Variants in ABCA1 observed in about 807,000 individuals in gnomAD.
ABCA1 encodes ATP binding cassette subfamily A member 1, also known as phospholipid-transporting ATPase ABCA1.
A neutral mutation model predicts 262.5 loss-of-function variants in ABCA1; 133 were observed. That is an observed-to-expected ratio of 0.51 (90% CI 0.44 to 0.59). The LOEUF (loss-of-function observed/expected upper bound fraction) is 0.59, where lower values mean the gene tolerates loss of function less well. Among genes scored for constraint, ABCA1 ranks in the 20% least tolerant of loss-of-function variants. The pLI is 0.00. For synonymous variants in ABCA1, 1,022 were observed against 1,043.5 expected (o/e 0.98, Z 0.40); for missense variants, 2,452 against 2,777.5 (o/e 0.88, Z 2.63).
intron 7 of ABCA1, among the ~76,000 whole-genome samples, chr9:104,857,365 TG>T (rs1220376504): frequency 2.9e-4 from 44 of 152,144 alleles, no homozygotes; most frequent in African/African-American, 9.9e-4. Flanking sequence ...CCCGAGTAGC[TG>T]GAATTACAGG....
intron 1 of ABCA1, among the ~76,000 whole-genome samples, chr9:104,927,297 G>A (rs1167648292): frequency 6.6e-6 from 1 of 152,040 alleles, no homozygotes. Flanking sequence ...GGAGACTGTA[G>A]GCAGGACCTC....
chr9:104,861,508 G>T, intron 6 of ABCA1, 171 bp downstream of exon 6: 1 of 908,350 alleles, frequency 1.1e-6, no homozygotes, highest in Non-Finnish European at 1.7e-6. Context: ...CTCCTGGATG[G>T]TTTGGCAATT....
intron 25 of ABCA1, among the ~76,000 whole-genome samples, chr9:104,815,776 T>G (rs1831696483): frequency 6.6e-6 from 1 of 152,196 alleles, no homozygotes; most frequent in Non-Finnish European, 1.5e-5. Flanking sequence ...CCCAAGTTGC[T>G]GAATTTCTAA....
At chr9:104,925,810 T>C (rs1826275710) in intron 1 of ABCA1, among the ~76,000 whole-genome samples, 1 of 152,216 alleles carries the variant, frequency 6.6e-6, no homozygotes, top group African/African-American at 2.4e-5. Flanking sequence ...CATGCTTCCA[T>C]ACTTTCTCTG....
intron 5 of ABCA1, among the ~76,000 whole-genome samples, chr9:104,863,645 T>C (rs1189102010): frequency 2.0e-5 from 3 of 152,124 alleles, no homozygotes; most frequent in Non-Finnish European, 2.9e-5. Flanking sequence ...TAATATTGAG[T>C]TATATAGACA....
intron 5 of ABCA1, among the ~76,000 whole-genome samples, chr9:104,868,879 C>T (rs533292742): frequency 2.1e-4 from 32 of 152,142 alleles, no homozygotes; most frequent in African/African-American, 6.5e-4. Flanking sequence ...CACATTTGCA[C>T]GTGCAGGCGG....
rs1833887378 is a variant in ABCA1, at chr9:104,837,114, G to T, written c.1195-18C>A. 1 of 1,579,918 alleles carries T rather than the reference G, an allele frequency of 6.3e-7. No individual in the cohort carries two copies. Among genetic ancestry groups the T allele is most frequent in the South Asian group, 1.1e-5 (1 of 90,290 alleles). On this transcript the variant is annotated intron_variant, in intron 10 of 49. Coordinates refer to ENST00000374736, the MANE Select transcript of ABCA1 (RefSeq NM_005502.4). ...TTGTTCACCTGGAGTCAGGTGGGGA[G>T]CCAGGGACCGCAGAAAAAGGAGGAG...
rs771570521 is a variant in ABCA1, at chr9:104,798,481, C to T, written c.5061G>A (p.Leu1687=). 1 of 1,614,168 alleles carries T rather than the reference C, an allele frequency of 6.2e-7. No homozygotes were observed. Among genetic ancestry groups the T allele is most frequent in the Admixed American group, 1.7e-5 (1 of 60,028 alleles). Reference sequence around the variant, plus strand: ...CAGGCTTCACTCCACTGATGAACTGCAGGTGTTTTGCTTTGCTGACCCGCT... The same window carrying T: ...CAGGCTTCACTCCACTGATGAACTGTAGGTGTTTTGCTTTGCTGACCCGCT... ...IQERVSKAKH[L]QFISGVKPVI... is the part of the protein sequence containing the mutation. The change falls in exon 37 of 50, where the codon CTG becomes CTA. Residue 1687 remains leucine, a synonymous_variant. Transcript: ENST00000374736.
At chr9:104,855,977 G>A in intron 7 of ABCA1, 1 of 1,612,868 alleles carries the variant, frequency 6.2e-7, no homozygotes, top group Admixed American at 1.7e-5. Context: ...CATATTGAAA[G>A]AAGAGTTTCT....
At position 104,822,581 on chromosome 9, in the gene ABCA1, C is replaced by T; in HGVS notation, c.2743G>A (p.Ala915Thr). The part of the protein sequence containing the change: ...VKVYRDGMKV[A>T]VDGLALNFYE... Reference sequence around the variant, plus strand: ...AAATTCAGTGCCAGGCCATCGACAGCCACCTTCATCCCATCTCGGTAGACT... The same window carrying T: ...AAATTCAGTGCCAGGCCATCGACAGTCACCTTCATCCCATCTCGGTAGACT... Residue 915 changes from alanine (A) to threonine (T), a missense_variant, in exon 19 of 50, where the codon GCT becomes ACT. Physicochemically the swap from Ala to Thr is moderately conservative, Grantham distance 58 (BLOSUM62 0). Coordinates refer to ENST00000374736, the MANE Select transcript of ABCA1 (RefSeq NM_005502.4). 6.2e-7 allele frequency: 1 copy of T among 1,614,092 alleles called. No homozygotes were observed.
Position 104,829,063 on chromosome 9 carries a change from G to C in ABCA1, c.1968C>G (p.Ile656Met), listed in dbSNP as rs751098544. ...LAWIYSVAVI[I>M]KGIVYEKEAR... ...CCTCCTTCTCATACACGATGCCCTT[G>C]ATGATCACAGCCACTGAGTAAATCC... The change falls in exon 15 of 50, where the codon ATC becomes ATG. Residue 656 changes from isoleucine to methionine, a missense_variant. Coordinates refer to ENST00000374736, the MANE Select transcript of ABCA1 (RefSeq NM_005502.4). 3 of 1,614,096 alleles carry C rather than the reference G, an allele frequency of 1.9e-6. No individual in the cohort carries two copies. The highest frequency in any genetic ancestry group is 2.7e-5 in the African/African-American group (2 of 74,930).
At chr9:104,797,183 G>A (rs1172238558) in intron 37 of ABCA1, among the ~76,000 whole-genome samples, 1 of 152,162 alleles carries the variant, frequency 6.6e-6, no homozygotes, top group Admixed American at 6.5e-5. Flanking sequence ...ATGGGTTCAG[G>A]GACTTGACCT....
At chr9:104,792,758 T>A (rs1047023040) in intron 42 of ABCA1, 28 bp downstream of exon 42, 7 of 1,611,686 alleles carry the variant, frequency 4.3e-6, no homozygotes, top group Non-Finnish European at 5.9e-6. Context: ...AAACTGAAGA[T>A]GAGCTATTGT....
chr9:104,792,869 C>G lies in ABCA1; in HGVS notation c.5674G>C (p.Asp1892His), dbSNP rs746652152. Residue 1892 changes from aspartate (D) to histidine (H), a missense_variant, in exon 42 of 50, where the codon GAT (aspartate) becomes CAT (histidine). Physicochemically the swap from Asp to His is moderately conservative, Grantham distance 81 (BLOSUM62 -1). Around this residue, in one of 4 missense-constraint regions of ABCA1, gnomAD observed 752 missense variants for 944.5 expected, o/e 0.80. Transcript: ENST00000374736. Reference protein sequence around the residue: ...NAKLSPLNDEDEDVRRERQRI... With the variant: ...NAKLSPLNDEHEDVRRERQRI... ...TGTCTTTCCCGCCTCACATCTTCATCTTCATCATTCAGAGGAGATAGCTTT... is the reference window on the plus strand; with the variant it reads ...TGTCTTTCCCGCCTCACATCTTCATGTTCATCATTCAGAGGAGATAGCTTT... 6.2e-7 allele frequency: 1 copy of G among 1,614,116 alleles called. No individual in the cohort carries two copies. The highest frequency in any genetic ancestry group is 8.5e-7 in the Non-Finnish European group (1 of 1,180,004).
rs1026664928 is a variant in ABCA1 at position 104,831,562 on chromosome 9, A to AAT, written c.1715+58_1715+59dup. 16 of 1,389,918 alleles carry AAT rather than the reference A, an allele frequency of 1.2e-5. No homozygotes were observed. The Admixed American group carries it at 1.3e-4, about 11-fold the overall frequency. The allele number at this position is 1,389,918 out of a possible 1,614,324, so 86.1% of individuals were successfully genotyped here. A position where few individuals can be genotyped will look rare whatever the true frequency, so the allele number is the denominator to read the frequency against. On this transcript the variant is annotated intron_variant, in intron 13 of 49. Transcript: ENST00000374736. ...GTTAAAATAAAGTACCTCTTGTCCT[A>AAT]ATATAATAGGTGCTCTGGACCTCCC...
intron 5 of ABCA1, among the ~76,000 whole-genome samples, chr9:104,871,243 C>G (rs1334336692): frequency 6.6e-6 from 1 of 152,166 alleles, no homozygotes; most frequent in Non-Finnish European, 1.5e-5. Flanking sequence ...CCAAACCTGC[C>G]AACACCTTGA....
intron 5 of ABCA1, among the ~76,000 whole-genome samples, chr9:104,881,862 C>T (rs1291909983): frequency 6.6e-6 from 1 of 151,858 alleles, no homozygotes; most frequent in Non-Finnish European, 1.5e-5. Flanking sequence ...GCTGCACAGC[C>T]AGGAGTTGTC....
chr9:104,821,668 G>A (rs928962454), intron 19 of ABCA1, among the ~76,000 whole-genome samples, 162 bp from the exon 20 acceptor site: 1 of 151,804 alleles, frequency 6.6e-6, no homozygotes, highest in Non-Finnish European at 1.5e-5. Flanking sequence ...CTGTCCTTTT[G>A]CTTCGGTAAA....
At chr9:104,787,715 T>A (rs1274332599) in intron 46 of ABCA1, 6 of 420,704 alleles carry the variant, frequency 1.4e-5, no homozygotes, top group Non-Finnish European at 1.9e-5. Flanking sequence ...TTGGAGTGCC[T>A]CTATTTGGGA....
Sources: allele counts gnomAD v4.1 joint callset (sites outside exome capture counted in the v4.1 genomes callset), GRCh38; gene constraint gnomAD v4.1.1; regional missense constraint gnomAD v4.1.1; transcripts MANE v1.5; gene names NCBI Gene and HGNC (gene_info 2026-07-23, HGNC 2026-07-21).